Variants in PRKG1 observed in about 807,000 individuals in gnomAD.
PRKG1 encodes cGMP-dependent protein kinase 1.
In PRKG1, 35 loss-of-function variants were observed where a neutral mutation model predicts 88.1. That is an observed-to-expected ratio of 0.40 (90% CI 0.30 to 0.53). PRKG1 has a LOEUF of 0.53. Ranked by LOEUF, PRKG1 falls within the 20% of genes least tolerant of loss-of-function variation. The pLI is 0.59. For missense variants in PRKG1, 540 were observed against 839.8 expected (o/e 0.64, Z 4.41); for synonymous variants, 303 against 292.5 (o/e 1.04, Z -0.37).
chr10:52,130,516 G>A (rs1216730673), intron 7 of PRKG1, among the ~76,000 whole-genome samples: 2 of 152,112 alleles, frequency 1.3e-5, no homozygotes, highest in African/African-American at 4.8e-5. Context: ...ATTTTTAAAG[G>A]ATGTGGGCAC....
intron 3 of PRKG1, among the ~76,000 whole-genome samples, chr10:51,684,567 TTA>T (rs1006528556): frequency 6.6e-6 from 1 of 151,750 alleles, no homozygotes; most frequent in Admixed American, 6.6e-5. Context: ...TAGAATTACT[TTA>T]TATATATATA....
At chr10:52,170,548 A>AC (rs1273825305) in intron 9 of PRKG1, among the ~76,000 whole-genome samples, 1 of 150,802 alleles carries the variant, frequency 6.6e-6, no homozygotes, top group Non-Finnish European at 1.5e-5. Flanking sequence ...TACCACAATC[A>AC]CCCCCCTCTC....
chr10:51,589,613 ACT>A (rs1460403705), intron 3 of PRKG1, among the ~76,000 whole-genome samples: 1 of 151,976 alleles, frequency 6.6e-6, no homozygotes, highest in Non-Finnish European at 1.5e-5. Flanking sequence ...ACAGAGTGAG[ACT>A]CTGTCTCAAA....
intron 3 of PRKG1, among the ~76,000 whole-genome samples, chr10:51,585,425 G>T (rs1325579550): frequency 6.6e-6 from 1 of 152,072 alleles, no homozygotes; most frequent in African/African-American, 2.4e-5. Flanking sequence ...ACAACTTGGT[G>T]CATTATTTTA....
At chr10:51,952,489 T>C (rs1843207726) in intron 5 of PRKG1, among the ~76,000 whole-genome samples, 1 of 152,204 alleles carries the variant, frequency 6.6e-6, no homozygotes, top group South Asian at 2.1e-4. Flanking sequence ...CACTCATTGG[T>C]ATAAAAACCT....
intron 3 of PRKG1, among the ~76,000 whole-genome samples, chr10:51,649,165 T>C (rs1839982356): frequency 6.6e-6 from 1 of 152,184 alleles, no homozygotes; most frequent in Non-Finnish European, 1.5e-5. Flanking sequence ...AGATTTCAAG[T>C]TTTGGTAGAT....
intron 3 of PRKG1, among the ~76,000 whole-genome samples, chr10:51,772,038 AG>A (rs768668278): frequency 1.1e-3 from 166 of 152,304 alleles, no homozygotes; most frequent in Non-Finnish European, 1.8e-3. Context: ...AATCCAAAAA[AG>A]TTTCAAATAT....
At chr10:51,212,696 G>T (rs1248482746) in intron 2 of PRKG1, among the ~76,000 whole-genome samples, 2 of 152,166 alleles carry the variant, frequency 1.3e-5, no homozygotes, top group African/African-American at 4.8e-5. Context: ...CATTTATGCA[G>T]CCAAAAAACA....
intron 5 of PRKG1, among the ~76,000 whole-genome samples, chr10:51,985,537 G>C (rs555757480): frequency 1.3e-5 from 2 of 152,274 alleles, no homozygotes; most frequent in East Asian, 3.9e-4. Flanking sequence ...GATTGCTTCT[G>C]TCAGCTCTTG....
chr10:51,460,985 A>G (rs1378930247), intron 2 of PRKG1, among the ~76,000 whole-genome samples: 1 of 152,172 alleles, frequency 6.6e-6, no homozygotes, highest in Non-Finnish European at 1.5e-5. Flanking sequence ...AGATACCTTG[A>G]TAAGTATATT....
intron 5 of PRKG1, among the ~76,000 whole-genome samples, chr10:51,919,676 CT>C (rs5784892): frequency 0.17 from 24,843 of 148,794 alleles, 2,769 homozygotes; most frequent in East Asian, 0.5. Flanking sequence ...AGCCCCCCAC[CT>C]TTTTTTTTTA....
At chr10:51,274,821 C>T (rs531552788) in intron 2 of PRKG1, among the ~76,000 whole-genome samples, 1 of 152,324 alleles carries the variant, frequency 6.6e-6, no homozygotes, top group Non-Finnish European at 1.5e-5. Context: ...TTATTTCACT[C>T]ATACTTAACT....
intron 2 of PRKG1, among the ~76,000 whole-genome samples, chr10:51,276,820 C>A (rs1018572391): frequency 6.6e-6 from 1 of 151,810 alleles, no homozygotes; most frequent in Non-Finnish European, 1.5e-5. Context: ...TTGTTTTTTT[C>A]TCGTAAATTT....
chr10:51,531,021 T>C (rs1842003821), intron 3 of PRKG1, among the ~76,000 whole-genome samples: 1 of 152,110 alleles, frequency 6.6e-6, no homozygotes, highest in Admixed American at 6.5e-5. Context: ...TCTGATGGAA[T>C]GGGGGTAAGA....
chr10:50,993,487 C>T (rs1842802453), intron 1 of PRKG1, among the ~76,000 whole-genome samples: 1 of 152,228 alleles, frequency 6.6e-6, no homozygotes, highest in Non-Finnish European at 1.5e-5. Context: ...AGTCTTGTCT[C>T]AGCCGGGCTG....
At chr10:51,617,267 T>C (rs1413201775) in intron 3 of PRKG1, among the ~76,000 whole-genome samples, 1 of 152,184 alleles carries the variant, frequency 6.6e-6, no homozygotes. Flanking sequence ...TAGGTATGCC[T>C]TCTTCTTCCT....
At chr10:52,025,289 T>C (rs576210737) in intron 5 of PRKG1, among the ~76,000 whole-genome samples, 1 of 152,354 alleles carries the variant, frequency 6.6e-6, no homozygotes, top group East Asian at 1.9e-4. Context: ...CTGTTCATTC[T>C]GATGGTAGTT....
At chr10:52,148,594 C>G (rs1407406254) in intron 8 of PRKG1, among the ~76,000 whole-genome samples, 3 of 152,122 alleles carry the variant, frequency 2.0e-5, no homozygotes, top group African/African-American at 7.2e-5. Context: ...ATGTGTGTCA[C>G]ATATACTGAA....
chr10:51,499,210 C>T (rs1840951817), intron 3 of PRKG1, among the ~76,000 whole-genome samples: 1 of 152,158 alleles, frequency 6.6e-6, no homozygotes, highest in Non-Finnish European at 1.5e-5. Context: ...GGGGTCAGTG[C>T]TGTGGTCAAA....
Sources: allele counts gnomAD v4.1 joint callset (sites outside exome capture counted in the v4.1 genomes callset), GRCh38; gene constraint gnomAD v4.1.1; transcripts MANE v1.5; gene names NCBI Gene and HGNC (gene_info 2026-07-23, HGNC 2026-07-21).